The following CTNNA2 variants were observed in gnomAD, a reference collection of about 807,000 sequenced individuals.
CTNNA2 encodes catenin alpha-2.
In CTNNA2, 42 loss-of-function variants were observed where a neutral mutation model predicts 101.0. The observed-to-expected ratio is 0.42, with a 90% CI of 0.32 to 0.54. CTNNA2 has a LOEUF of 0.54. Ranked by LOEUF, CTNNA2 falls within the 20% of genes least tolerant of loss-of-function variation. The probability of loss-of-function intolerance (pLI) is 0.14; values close to 1 mark genes in which losing one functional copy is unlikely to be tolerated. For synonymous variants in CTNNA2, 450 were observed against 456.4 expected (o/e 0.99, Z 0.18); for missense variants, 871 against 1,223.1 (o/e 0.71, Z 4.29).
At chr2:79,682,017 C>T (rs1269043405) in intron 2 of CTNNA2, among the ~76,000 whole-genome samples, 1 of 152,134 alleles carries the variant, frequency 6.6e-6, no homozygotes, top group African/African-American at 2.4e-5. Flanking sequence ...TGAGGGAGGA[C>T]TGGATTTCTC....
At chr2:79,475,146 C>T (rs894856767) in intron 4 of CTNNA2, among the ~76,000 whole-genome samples, 1 of 151,936 alleles carries the variant, frequency 6.6e-6, no homozygotes, top group African/African-American at 2.4e-5. Context: ...TGTCCCAGAG[C>T]TCCCCATAAT....
At chr2:80,578,236 A>C (rs987327767) in intron 13 of CTNNA2, among the ~76,000 whole-genome samples, 3 of 130,032 alleles carry the variant, frequency 2.3e-5, no homozygotes, top group African/African-American at 1.3e-4. Context: ...ACAAAACATA[A>C]AATAGTGGAA....
intron 9 of CTNNA2, among the ~76,000 whole-genome samples, chr2:80,501,606 C>A (rs1318273878): frequency 6.6e-6 from 1 of 152,282 alleles, no homozygotes; most frequent in Admixed American, 6.5e-5. Flanking sequence ...GAAGTTGTAT[C>A]TTGGGTTCAT....
chr2:79,359,301 A>G (rs771741849), intron 3 of CTNNA2, among the ~76,000 whole-genome samples: 1 of 152,134 alleles, frequency 6.6e-6, no homozygotes, highest in Non-Finnish European at 1.5e-5. Context: ...GAAAGCTTTT[A>G]TGCACTTTAT....
rs1425402141 is a variant in CTNNA2 at position 80,067,143 on chromosome 2, A to G, written c.1056+157346A>G. 2.0e-5 allele frequency among the ~76,000 whole-genome samples: 3 copies of G among 151,888 alleles called. No individual in the cohort carries two copies. In the East Asian group the frequency reaches 5.8e-4, roughly 29 times the overall value. ...GCAAAATTTCAGTTATATAGGAGGA[A>G]TAAGTTCAAGAGATCTAGCATACAA... On this transcript the variant is annotated intron_variant, in intron 7 of 18. Transcript: ENST00000402739.
intron 3 of CTNNA2, among the ~76,000 whole-genome samples, chr2:79,788,279 C>T (rs1056519368): frequency 2.6e-5 from 4 of 152,054 alleles, no homozygotes; most frequent in African/African-American, 9.7e-5. Context: ...AGCCTAAACT[C>T]AGAAATAATG....
At chr2:79,265,605 A>C (rs1198156654) in intron 2 of CTNNA2, among the ~76,000 whole-genome samples, 1 of 152,222 alleles carries the variant, frequency 6.6e-6, no homozygotes, top group Non-Finnish European at 1.5e-5. Flanking sequence ...TACAAAATTC[A>C]ATGAGGCTTG....
At position 80,647,756 on chromosome 2, in the gene CTNNA2, C is replaced by T; in HGVS notation, c.2746C>T (p.Leu916Phe). 1 of 1,613,578 alleles carries T rather than the reference C, an allele frequency of 6.2e-7. No individual in the cohort carries two copies. The highest frequency in any genetic ancestry group is 8.5e-7 in the Non-Finnish European group (1 of 1,179,620). Residue 916 changes from leucine (L) to phenylalanine (F), a missense_variant, in exon 19 of 19, where the codon CTT becomes TTT. Coordinates refer to ENST00000402739, the MANE Select transcript of CTNNA2 (RefSeq NM_001282597.3). ...GATGAAGGCTCCAGAGAAGAAGCCCCTTGTGAAGAGAGAAAAGCCTGAAGA... is the reference window on the plus strand; with the variant it reads ...GATGAAGGCTCCAGAGAAGAAGCCCTTTGTGAAGAGAGAAAAGCCTGAAGA... ...WKMKAPEKKP[L>F]VKREKPEEFQ...
intron 1 of CTNNA2, among the ~76,000 whole-genome samples, chr2:79,631,644 T>A (rs1679703736): frequency 6.6e-6 from 1 of 152,188 alleles, no homozygotes; most frequent in Admixed American, 6.5e-5. Flanking sequence ...AAGGATTGAA[T>A]AAACTGGAAT....
intron 8 of CTNNA2, among the ~76,000 whole-genome samples, chr2:80,396,693 C>G (rs1226783524): frequency 1.3e-5 from 2 of 152,028 alleles, no homozygotes; most frequent in Non-Finnish European, 2.9e-5. Context: ...TTTATTAGTC[C>G]CTGATTTTCC....
At chr2:79,397,362 A>T (rs1429383351) in intron 4 of CTNNA2, among the ~76,000 whole-genome samples, 2 of 152,080 alleles carry the variant, frequency 1.3e-5, no homozygotes, top group East Asian at 3.9e-4. Flanking sequence ...CCTTCTCTTC[A>T]TATACCCACC....
At chr2:79,341,031 T>C (rs1365558715) in intron 3 of CTNNA2, among the ~76,000 whole-genome samples, 1 of 151,926 alleles carries the variant, frequency 6.6e-6, no homozygotes. Flanking sequence ...GCTACATATA[T>C]ATATATAATC....
chr2:79,673,001 C>T (rs536694353), intron 2 of CTNNA2, among the ~76,000 whole-genome samples: 25 of 152,078 alleles, frequency 1.6e-4, no homozygotes, highest in Non-Finnish European at 2.5e-4. Context: ...AGCCACAGGG[C>T]ACGGCCTCTG....
intron 3 of CTNNA2, among the ~76,000 whole-genome samples, chr2:79,766,172 TTA>T (rs1216127994): frequency 1.3e-5 from 2 of 152,228 alleles, no homozygotes; most frequent in Admixed American, 6.5e-5. Flanking sequence ...CTTTTCTTTC[TTA>T]TTGAAGTGCT....
intron 9 of CTNNA2, among the ~76,000 whole-genome samples, chr2:80,484,832 T>C (rs150303108): frequency 0.04 from 6,109 of 151,990 alleles, 126 homozygotes; most frequent in African/African-American, 0.05. Flanking sequence ...CGGTGAAACC[T>C]TGTCTCTACT....
intron 3 of CTNNA2, among the ~76,000 whole-genome samples, chr2:79,756,075 A>C (rs1438171957): frequency 8.9e-6 from 1 of 111,778 alleles, no homozygotes; most frequent in African/African-American, 2.9e-5. Flanking sequence ...GGAGTACTTC[A>C]GGTCAGCACA....
chr2:80,236,057 C>A (rs1250417893), intron 7 of CTNNA2, among the ~76,000 whole-genome samples: 1 of 152,112 alleles, frequency 6.6e-6, no homozygotes, highest in Non-Finnish European at 1.5e-5. Context: ...TGAGAACATG[C>A]AGTATTTGGT....
intron 2 of CTNNA2, among the ~76,000 whole-genome samples, chr2:79,706,281 T>C (rs1685360544): frequency 7.0e-6 from 1 of 142,714 alleles, no homozygotes; most frequent in Admixed American, 7.8e-5. Context: ...GACAATGGCG[T>C]GAACCCGGGA....
intron 9 of CTNNA2, among the ~76,000 whole-genome samples, chr2:80,479,469 G>A (rs909307266): frequency 1.3e-5 from 2 of 152,104 alleles, no homozygotes; most frequent in Non-Finnish European, 1.5e-5. Context: ...AACCCTATGG[G>A]GAACAGTTAA....
Sources: gnomAD v4.1 joint callset for allele counts (sites outside exome capture counted in the v4.1 genomes callset) on GRCh38, gnomAD v4.1.1 for gene constraint, MANE v1.5 for transcripts, NCBI Gene and HGNC (gene_info 2026-07-23, HGNC 2026-07-21) for gene names.